The following PFN4 variants were observed in gnomAD, a reference collection of about 807,000 sequenced individuals.
The protein encoded by PFN4 is profilin family member 4.
In PFN4, 10 loss-of-function variants were observed where a neutral mutation model predicts 16.3. The observed-to-expected ratio is 0.61, with a 90% confidence interval of 0.38 to 1.04. The LOEUF (loss-of-function observed/expected upper bound fraction) is 1.04. Among genes scored for constraint, PFN4 ranks in the 50% least tolerant of loss-of-function variants. PFN4 has a pLI of 0.01. For missense variants in PFN4, 136 were observed against 153.6 expected (o/e 0.89, Z 0.61); for synonymous variants, 54 against 56.9 (o/e 0.95, Z 0.23).
At chr2:24,118,289 A>T (rs947256297) in intron 4 of PFN4, among the ~76,000 whole-genome samples, 7 of 152,210 alleles carry the variant, frequency 4.6e-5, no homozygotes, top group Non-Finnish European at 8.8e-5. Flanking sequence ...ACATCTGTTC[A>T]GGAAGGGTCC....
chr2:24,119,518 G>T, intron 4 of PFN4, 59 bp downstream of exon 4: 2 of 1,239,618 alleles, frequency 1.6e-6, no homozygotes, highest in Non-Finnish European at 1.2e-6. Flanking sequence ...TCTGTTACTC[G>T]TAGTCGGAAG....
At chr2:24,118,464 A>C (rs1490747496) in intron 4 of PFN4, among the ~76,000 whole-genome samples, 1 of 152,248 alleles carries the variant, frequency 6.6e-6, no homozygotes, top group Non-Finnish European at 1.5e-5. Context: ...ACATGTACTA[A>C]TTGCCTACCC....
Position 24,121,252 on chromosome 2 carries a change from G to T in PFN4, c.166C>A (p.Pro56Thr). Residue 56 changes from proline to threonine, a missense_variant, in exon 3 of 5, where the codon CCT becomes ACT. Pro to Thr is a conservative substitution (Grantham distance 38, BLOSUM62 -1). Coordinates refer to ENST00000313213, the MANE Select transcript of PFN4 (RefSeq NM_199346.3). ...RTLVNGFAKNPLQARREGLYF... is the reference protein window; with the variant it reads ...RTLVNGFAKNTLQARREGLYF... The stretch of plus-strand genomic sequence containing the variant: ...AGTCCTTCTCTTCGGGCTTGCAAAG[G>T]GTTCTTGGCAAATCCATTCACCAGT... The T allele has an allele frequency of 6.2e-7, 1 of 1,614,142 alleles. No homozygotes were observed. The highest frequency in any genetic ancestry group is 8.5e-7 in the Non-Finnish European group (1 of 1,180,028).
At chr2:24,122,380 A>T (rs1341576228) in intron 2 of PFN4, 39 bp downstream of exon 2, 21 of 1,394,938 alleles carry the variant, frequency 1.5e-5, no homozygotes, top group Non-Finnish European at 2.0e-5. Flanking sequence ...AGAAATAATA[A>T]GTAAATCAAG....
chr2:24,117,164 A>G (rs1295393500), intron 4 of PFN4, among the ~76,000 whole-genome samples: 2 of 151,686 alleles, frequency 1.3e-5, no homozygotes, highest in Non-Finnish European at 2.9e-5. Context: ...ACAGGTACCT[A>G]CCACCACACC....
At chr2:24,123,048 AC>A (rs1666172076) in intron 1 of PFN4, 69 bp downstream of exon 1, 1 of 152,170 alleles carries the variant, frequency 6.6e-6, no homozygotes, top group Non-Finnish European at 1.5e-5. Context: ...TGGACTAAAA[AC>A]ACCTTGAAGG....
chr2:24,115,601 T>A lies in PFN4; in HGVS notation c.372A>T (p.Leu124=). Residue 124 remains leucine (L), a synonymous_variant, in exon 5 of 5, where the codon CTA becomes CTT. Transcript: ENST00000313213. Reference sequence around the variant, plus strand: ...TGATGACTTAACTTCCTTTTTTTCTTAGGTAGTCTCCTGAAAGCAAACACA... The same window carrying A: ...TGATGACTTAACTTCCTTTTTTTCTAAGGTAGTCTCCTGAAAGCAAACACA... ...VEATESLGDY[L]RKKGS 1 of 1,612,922 alleles carries A rather than the reference T, an allele frequency of 6.2e-7. No homozygotes were observed. The highest frequency in any genetic ancestry group is 8.5e-7 in the Non-Finnish European group (1 of 1,179,568).
intron 2 of PFN4, 84 bp from the exon 3 acceptor site, chr2:24,121,384 GGCCT>G: frequency 7.5e-7 from 1 of 1,329,156 alleles, no homozygotes; most frequent in Admixed American, 2.2e-5. Context: ...TGTTTTTTAT[GGCCT>G]GCAAGCTAAG....
intron 3 of PFN4, among the ~76,000 whole-genome samples, chr2:24,120,288 A>AC (rs1374520004): frequency 2.6e-5 from 4 of 151,316 alleles, no homozygotes; most frequent in African/African-American, 7.3e-5. Context: ...AACAACAACA[A>AC]AACAAAACAA....
intron 2 of PFN4, 26 bp from the exon 3 acceptor site, chr2:24,121,326 G>C: frequency 1.2e-6 from 2 of 1,602,946 alleles, no homozygotes; most frequent in Non-Finnish European, 1.7e-6. Context: ...GGTTAGAGCA[G>C]GAGTCAGCCA....
chr2:24,117,449 T>C lies in PFN4; in HGVS notation c.362-1838A>G, dbSNP rs7609349. On this transcript the variant is annotated intron_variant, in intron 4 of 4. Transcript: ENST00000313213. Reference sequence around the variant, plus strand: ...TGGTCATAGTTCTTCTTCTTCTTTTTTTTTTTTTCTCGAGACAGAGTCTCG... The same window carrying C: ...TGGTCATAGTTCTTCTTCTTCTTTTCTTTTTTTTCTCGAGACAGAGTCTCG... Among the ~76,000 whole-genome samples the C allele has an allele frequency of 5.9e-3, 902 of 151,970 alleles. 4 individuals carry two copies. The highest frequency in any genetic ancestry group is 0.021 in the African/African-American group (870 of 41,452).
At chr2:24,119,166 C>T (rs1303112608) in intron 4 of PFN4, among the ~76,000 whole-genome samples, 2 of 152,050 alleles carry the variant, frequency 1.3e-5, no homozygotes, top group Non-Finnish European at 2.9e-5. Context: ...CCTTTTTACC[C>T]TGCTGTCTCC....
intron 1 of PFN4, 113 bp from the exon 2 acceptor site, chr2:24,122,660 T>A: frequency 1.5e-6 from 1 of 687,682 alleles, no homozygotes; most frequent in Non-Finnish European, 2.5e-6. Flanking sequence ...AAGTGTACTT[T>A]GAAAAGGTAC....
chr2:24,122,447 C>T lies in PFN4; in HGVS notation c.89G>A (p.Ser30Asn). 1 of 1,613,900 alleles carries T rather than the reference C, an allele frequency of 6.2e-7. No individual in the cohort carries two copies. Among genetic ancestry groups the T allele is most frequent in the Non-Finnish European group, 8.5e-7 (1 of 1,179,828 alleles). Residue 30 changes from serine (S) to asparagine (N), a missense_variant, in exon 2 of 5, where the codon AGC becomes AAC. By Grantham distance (46) the Ser-to-Asn change is conservative. Coordinates refer to ENST00000313213, the MANE Select transcript of PFN4 (RefSeq NM_199346.3). ...GAAACCTGGTGATGCTACACACAAG[C>T]TCCGCTCCTGGATTTTGATGAGGGC... ...SAALIKIQERSLCVASPGFNV... is the reference protein window; with the variant it reads ...SAALIKIQERNLCVASPGFNV...
At chr2:24,117,042 G>A (rs1665941220) in intron 4 of PFN4, among the ~76,000 whole-genome samples, 2 of 135,082 alleles carry the variant, frequency 1.5e-5, no homozygotes, top group African/African-American at 2.8e-5. Flanking sequence ...TTGAGACAGA[G>A]TCTCGCTCTG....
intron 2 of PFN4, among the ~76,000 whole-genome samples, chr2:24,122,188 C>G (rs1666138363): frequency 6.6e-6 from 1 of 151,938 alleles, no homozygotes; most frequent in South Asian, 2.1e-4. Flanking sequence ...AAAAATTAGC[C>G]GGGCCTGGTA....
intron 4 of PFN4, among the ~76,000 whole-genome samples, chr2:24,119,317 A>G (rs541840423): frequency 6.6e-6 from 1 of 152,298 alleles, no homozygotes; most frequent in African/African-American, 2.4e-5. Context: ...CAGGAAAGGA[A>G]ACAGTTTGCT....
chr2:24,116,592 C>T (rs1052951220), intron 4 of PFN4, among the ~76,000 whole-genome samples: 1 of 151,942 alleles, frequency 6.6e-6, no homozygotes, highest in Admixed American at 6.6e-5. Context: ...CAGTGGCTCA[C>T]GCCTATAATC....
chr2:24,115,375 G>A lies in PFN4; in HGVS notation c.*208C>T, dbSNP rs549111614. On this transcript the variant is annotated 3_prime_UTR_variant, in exon 5 of 5. Transcript: ENST00000313213. Reference sequence around the variant, plus strand: ...GATCAGTGCTCTCTCATTCCATGCCGATGACCAACACTTATTAAAAAACAG... The same window carrying A: ...GATCAGTGCTCTCTCATTCCATGCCAATGACCAACACTTATTAAAAAACAG... The A allele has an allele frequency of 2.7e-5, 15 of 562,908 alleles. No homozygotes were observed. Among genetic ancestry groups the A allele is most frequent in the South Asian group, 2.1e-5 (1 of 47,902 alleles). 34.9% of individuals were successfully genotyped at this position (562,908 alleles called of 1,614,324 possible). A position where few individuals can be genotyped will look rare whatever the true frequency, so the allele number is the denominator to read the frequency against.
Sources: gnomAD v4.1 joint callset for allele counts (sites outside exome capture counted in the v4.1 genomes callset) on GRCh38, gnomAD v4.1.1 for gene constraint, MANE v1.5 for transcripts, NCBI Gene and HGNC (gene_info 2026-07-23, HGNC 2026-07-21) for gene names.